Variants in UBE4B observed in about 807,000 individuals in gnomAD.
UBE4B encodes ubiquitin conjugation factor E4 B.
Under a neutral mutation model 148.1 loss-of-function variants are expected in UBE4B, and 27 were observed. That is an observed-to-expected ratio of 0.18 (90% CI 0.13 to 0.25). UBE4B has a LOEUF of 0.25. Among genes scored for constraint, UBE4B ranks in the 10% least tolerant of loss-of-function variants. UBE4B has a pLI of 1.00. For synonymous variants in UBE4B, 596 were observed against 619.3 expected (o/e 0.96, Z 0.56); for missense variants, 1,170 against 1,662.4 (o/e 0.70, Z 5.15).
chr1:10,086,973 C>T (rs955637399), intron 2 of UBE4B, among the ~76,000 whole-genome samples: 1 of 152,138 alleles, frequency 6.6e-6, no homozygotes, highest in Non-Finnish European at 1.5e-5. Context: ...CGCCTGGCCT[C>T]CCCGTCTCTT....
rs553046751 is a variant in UBE4B at position 10,108,220 on chromosome 1, C to T, written c.1196+1637C>T. Among the ~76,000 whole-genome samples, 4 of 150,938 alleles carry T rather than the reference C, an allele frequency of 2.7e-5. No homozygotes were observed. The South Asian group carries it at 8.5e-4, about 32-fold the overall frequency. On this transcript the variant is annotated intron_variant, in intron 7 of 27. Transcript: ENST00000343090. Reference sequence around the variant, plus strand: ...CAGCCTCCACCGCCCCCCTGTTCACCCCCATTGAGCTCAGTCTGGGCAATC... The same window carrying T: ...CAGCCTCCACCGCCCCCCTGTTCACTCCCATTGAGCTCAGTCTGGGCAATC...
At chr1:10,062,981 A>T (rs542798672) in intron 1 of UBE4B, among the ~76,000 whole-genome samples, 1 of 151,670 alleles carries the variant, frequency 6.6e-6, no homozygotes, top group Non-Finnish European at 1.5e-5. Flanking sequence ...AGAAAAAGAA[A>T]ATAGTGATGG....
intron 18 of UBE4B, among the ~76,000 whole-genome samples, chr1:10,146,119 C>A (rs1417026406): frequency 6.6e-6 from 1 of 152,122 alleles, no homozygotes; most frequent in East Asian, 1.9e-4. Flanking sequence ...CTGTGCACCC[C>A]CCTAAGCAGT....
intron 21 of UBE4B, among the ~76,000 whole-genome samples, chr1:10,154,216 C>G (rs1425168371): frequency 6.6e-6 from 1 of 151,516 alleles, no homozygotes; most frequent in Non-Finnish European, 1.5e-5. Flanking sequence ...GCACTTCAGC[C>G]TGGTGACAGA....
chr1:10,053,318 T>G (rs1644090676), intron 1 of UBE4B, among the ~76,000 whole-genome samples: 1 of 151,340 alleles, frequency 6.6e-6, no homozygotes, highest in Non-Finnish European at 1.5e-5. Flanking sequence ...CCGGCTAATT[T>G]TTTTGTATTT....
At chr1:10,097,882 T>A (rs2101879267) in intron 3 of UBE4B, among the ~76,000 whole-genome samples, 1 of 152,234 alleles carries the variant, frequency 6.6e-6, no homozygotes, top group South Asian at 2.1e-4. Context: ...TGTCCTTATT[T>A]TTTTTGGAGA....
At chr1:10,169,540 G>A (rs1025636236) in intron 24 of UBE4B, among the ~76,000 whole-genome samples, 1 of 152,198 alleles carries the variant, frequency 6.6e-6, no homozygotes, top group African/African-American at 2.4e-5. Context: ...AGTTTGCAAA[G>A]TGCAAGGCCA....
At chr1:10,147,997 G>T (rs559863714) in intron 19 of UBE4B, among the ~76,000 whole-genome samples, 4 of 152,282 alleles carry the variant, frequency 2.6e-5, no homozygotes, top group African/African-American at 7.2e-5. Flanking sequence ...GGAGGCCAGG[G>T]CGGGTGGATC....
chr1:10,089,636 A>AT (rs1311949064), intron 2 of UBE4B, among the ~76,000 whole-genome samples: 1 of 151,934 alleles, frequency 6.6e-6, no homozygotes, highest in Admixed American at 6.6e-5. Context: ...AAGCTTTAGG[A>AT]TTTTGATTAA....
chr1:10,117,001 T>C (rs1482265396), intron 7 of UBE4B, among the ~76,000 whole-genome samples: 3 of 152,250 alleles, frequency 2.0e-5, no homozygotes, highest in African/African-American at 7.2e-5. Context: ...TGCCAAATGT[T>C]AGATGAGGGC....
chr1:10,143,703 A>G (rs547395243), intron 17 of UBE4B, among the ~76,000 whole-genome samples: 133 of 152,320 alleles, frequency 8.7e-4, no homozygotes, highest in African/African-American at 3.2e-3. Context: ...TCAGTTGTAG[A>G]CGAAAGAATC....
chr1:10,147,158 A>C, intron 19 of UBE4B, 68 bp downstream of exon 19: 1 of 1,600,934 alleles, frequency 6.2e-7, no homozygotes, highest in East Asian at 2.2e-5. Flanking sequence ...ATTGTCCTTC[A>C]AAGTTGATAA....
At chr1:10,134,093 T>C (rs540750667) in intron 15 of UBE4B, among the ~76,000 whole-genome samples, 1 of 152,112 alleles carries the variant, frequency 6.6e-6, no homozygotes, top group African/African-American at 2.4e-5. Flanking sequence ...ATTGTGTTTC[T>C]ACTTACTAAT....
intron 7 of UBE4B, among the ~76,000 whole-genome samples, chr1:10,115,302 C>G (rs753560661): frequency 2.7e-5 from 4 of 147,198 alleles, no homozygotes; most frequent in Non-Finnish European, 5.9e-5. Context: ...CATAGTCGCT[C>G]TCTTGCCCAG....
intron 12 of UBE4B, among the ~76,000 whole-genome samples, chr1:10,130,199 C>G (rs1428278504): frequency 6.6e-6 from 1 of 152,076 alleles, no homozygotes; most frequent in African/African-American, 2.4e-5. Context: ...CTCAGCCTCC[C>G]CAGTAGCTGG....
At position 10,161,294 on chromosome 1, in the gene UBE4B, C is replaced by T. The variant is rs374288783; in HGVS notation, c.3198+8C>T. On this transcript the variant is annotated splice_region_variant and intron_variant, in intron 23 of 27. Transcript: ENST00000343090. The surrounding 1 kb of genome is among the most constrained non-coding windows in gnomAD (Gnocchi z 4.1). ...TGGGACCAGTTGCCCCGGGTGAGGA[C>T]GTGGTCCAGAGGCTTGGACAGCTTT... 6.9e-5 allele frequency: 111 copies of T among 1,613,748 alleles called. No individual in the cohort carries two copies. In the African/African-American group the frequency reaches 9.6e-4, roughly 14 times the overall value.
intron 1 of UBE4B, among the ~76,000 whole-genome samples, chr1:10,055,224 A>G (rs753597734): frequency 2.6e-5 from 4 of 152,188 alleles, no homozygotes; most frequent in Admixed American, 6.5e-5. Context: ...ATGAATGCCA[A>G]TTGGAACAAA....
chr1:10,156,082 G>A (rs922757329), intron 21 of UBE4B, among the ~76,000 whole-genome samples: 3 of 151,392 alleles, frequency 2.0e-5, no homozygotes, highest in Admixed American at 6.6e-5. Flanking sequence ...GGAGGAGGGA[G>A]AGGTTCAACA....
intron 2 of UBE4B, among the ~76,000 whole-genome samples, chr1:10,079,764 A>G (rs2101845302): frequency 6.6e-6 from 1 of 152,306 alleles, no homozygotes; most frequent in Non-Finnish European, 1.5e-5. Context: ...TGGATCAGAA[A>G]CAGAATTTGT....
Sources: allele counts gnomAD v4.1 joint callset (sites outside exome capture counted in the v4.1 genomes callset), GRCh38; gene constraint gnomAD v4.1.1; non-coding constraint Gnocchi (gnomAD v3.1); transcripts MANE v1.5; gene names NCBI Gene and HGNC (gene_info 2026-07-23, HGNC 2026-07-21).